Variants in RREB1 observed in about 807,000 individuals in gnomAD.
RREB1 encodes the protein ras-responsive element-binding protein 1.
Under a neutral mutation model 117.8 loss-of-function variants are expected in RREB1, and 27 were observed. The observed-to-expected ratio is 0.23, with a 90% CI of 0.17 to 0.32. RREB1 has a LOEUF of 0.32. Among genes scored for constraint, RREB1 ranks in the 10% least tolerant of loss-of-function variants. The pLI, the probability that RREB1 is intolerant of heterozygous loss-of-function variation, is 1.00. For synonymous variants in RREB1, 1,298 were observed against 1,026.7 expected (o/e 1.26, Z -5.05); for missense variants, 2,577 against 2,378.2 (o/e 1.08, Z -1.74).
At chr6:7,166,355 T>G (rs1763927727) in intron 1 of RREB1, among the ~76,000 whole-genome samples, 1 of 152,378 alleles carries the variant, frequency 6.6e-6, no homozygotes, top group East Asian at 1.9e-4. Context: ...GTTGGCTAGC[T>G]TGTGATAAAC....
At chr6:7,223,561 C>CAAAAAAAAAAAAAAAAAA (rs368033890) in intron 8 of RREB1, among the ~76,000 whole-genome samples, 6 of 95,800 alleles carry the variant, frequency 6.3e-5, no homozygotes, top group Non-Finnish European at 1.0e-4. Context: ...ACTCTTGTCT[C>CAAAAAAAAAAAAAAAAAA]AAAAAAAAAA....
At chr6:7,234,777 T>A (rs1339331864) in intron 10 of RREB1, among the ~76,000 whole-genome samples, 1 of 152,182 alleles carries the variant, frequency 6.6e-6, no homozygotes, top group East Asian at 1.9e-4. Flanking sequence ...AGGTTTACTT[T>A]TAAGGAGCTA....
At chr6:7,210,723 T>C (rs111515599) in intron 6 of RREB1, 81 bp from the exon 7 acceptor site, 6 of 1,297,882 alleles carry the variant, frequency 4.6e-6, no homozygotes, top group African/African-American at 1.5e-5. Flanking sequence ...TAAGTACCAG[T>C]GCCTAAATAT....
intron 8 of RREB1, chr6:7,211,997 T>C: frequency 2.5e-6 from 1 of 393,096 alleles, no homozygotes; most frequent in Non-Finnish European, 4.7e-6. Context: ...TCTGCTATCA[T>C]GGGTGTTCTT....
chr6:7,109,098 C>G (rs1233813886), intron 1 of RREB1, among the ~76,000 whole-genome samples: 1 of 151,778 alleles, frequency 6.6e-6, no homozygotes, highest in Non-Finnish European at 1.5e-5. Context: ...GGGCCGGCCG[C>G]CGGGGCCCGC....
At chr6:7,133,565 AAATG>A (rs1296541250) in intron 1 of RREB1, among the ~76,000 whole-genome samples, 1 of 152,164 alleles carries the variant, frequency 6.6e-6, no homozygotes, top group Non-Finnish European at 1.5e-5. Context: ...CTAAATAAGT[AAATG>A]AATGAATGAA....
intron 9 of RREB1, 80 bp from the exon 10 acceptor site, chr6:7,228,917 A>T: frequency 7.8e-7 from 1 of 1,290,184 alleles, no homozygotes; most frequent in East Asian, 2.5e-5. Context: ...TACAACAAAT[A>T]CTTTGTGCAT....
intron 6 of RREB1, among the ~76,000 whole-genome samples, chr6:7,199,458 T>C (rs555177539): frequency 3.9e-5 from 6 of 152,168 alleles, no homozygotes; most frequent in East Asian, 1.9e-4. Context: ...TTCTTAACAA[T>C]TGGGGCAACG....
rs774328741 is a variant in RREB1, at chr6:7,248,492, C to CT, written c.4772-16dup. On this transcript the variant is annotated intron_variant, in intron 12 of 12. Transcript: ENST00000379938. ...TGGTGCCTTTTGGTTAATGGAAATT[C>CT]TTTCTTCCATTGTTCCAGGGGAAAG... The CT allele has an allele frequency of 3.1e-6, 5 of 1,608,186 alleles. No homozygotes were observed. The highest frequency in any genetic ancestry group is 4.3e-6 in the Non-Finnish European group (5 of 1,174,996).
Position 7,108,251 on chromosome 6 carries a change from C to G in RREB1, c.-285+191C>G, listed in dbSNP as rs1161790675. 4.6e-5 allele frequency among the ~76,000 whole-genome samples: 7 copies of G among 152,082 alleles called. No individual in the cohort carries two copies. In the East Asian group the frequency reaches 7.8e-4, roughly 17 times the overall value. ...CGCCCCACTCCGCGCAGCGTGCGCT[C>G]GGGCCGGCGGGGCGGCCAGGGATGA... is the stretch of plus-strand genomic sequence containing the variant. On this transcript the variant is annotated intron_variant, in intron 1 of 12. Coordinates refer to ENST00000379938, the MANE Select transcript of RREB1 (RefSeq NM_001003699.4).
chr6:7,172,068 CCCAA>C (rs1764240528), intron 1 of RREB1, among the ~76,000 whole-genome samples: 1 of 151,988 alleles, frequency 6.6e-6, no homozygotes, highest in Non-Finnish European at 1.5e-5. Context: ...GCCTCAGCCT[CCCAA>C]GTAGCTGGGA....
rs758793624 is a variant in RREB1 at position 7,229,040 on chromosome 6, A to G, written c.941A>G (p.His314Arg). ...CTGCGGAGGTGCATCAGCGAGCAACACCGTTTTGTCTGCGACACCTGTGAC... is the reference window on the plus strand; with the variant it reads ...CTGCGGAGGTGCATCAGCGAGCAACGCCGTTTTGTCTGCGACACCTGTGAC... ...TNLRRCISEQ[H>R]RFVCDTCDKA... Residue 314 changes from histidine to arginine, a missense_variant, in exon 10 of 13, where the codon CAC (histidine) becomes CGC (arginine). By Grantham distance (29) the His-to-Arg change is conservative. Coordinates refer to ENST00000379938, the MANE Select transcript of RREB1 (RefSeq NM_001003699.4). The surrounding 1 kb of genome is among the most constrained non-coding windows in gnomAD (Gnocchi z 4.5). 6.4e-7 allele frequency: 1 copy of G among 1,551,082 alleles called. No individual in the cohort carries two copies. Among genetic ancestry groups the G allele is most frequent in the Non-Finnish European group, 8.7e-7 (1 of 1,143,950 alleles).
intron 1 of RREB1, among the ~76,000 whole-genome samples, chr6:7,176,091 G>GT (rs1419285142): frequency 2.0e-5 from 3 of 151,990 alleles, no homozygotes; most frequent in Non-Finnish European, 2.9e-5. Context: ...TGATTTTTGT[G>GT]TTTTTTATAG....
At chr6:7,179,032 T>C (rs1390438186) in intron 2 of RREB1, among the ~76,000 whole-genome samples, 2 of 152,248 alleles carry the variant, frequency 1.3e-5, no homozygotes, top group Admixed American at 6.5e-5. Flanking sequence ...GTATCTTTGA[T>C]AACATGACTG....
Position 7,133,165 on chromosome 6 carries a change from C to T in RREB1, c.-285+25105C>T, listed in dbSNP as rs576856270. Among the ~76,000 whole-genome samples the T allele has an allele frequency of 9.9e-5, 15 of 152,246 alleles. No homozygotes were observed. In the East Asian group the frequency reaches 2.7e-3, roughly 27 times the overall value. On this transcript the variant is annotated intron_variant, in intron 1 of 12. Transcript: ENST00000379938. ...GCATGGTTCGTTTCTTTTCCTTATA[C>T]CTCCTTAGCTTACAGGTGAGGAAAG...
chr6:7,112,925 G>A (rs1054145860), intron 1 of RREB1, among the ~76,000 whole-genome samples: 15 of 152,220 alleles, frequency 9.9e-5, no homozygotes, highest in African/African-American at 3.4e-4. Flanking sequence ...TTGGGGTGAA[G>A]CGGATGGGGA....
intron 11 of RREB1, among the ~76,000 whole-genome samples, chr6:7,245,292 G>A (rs963366944): frequency 2.6e-5 from 4 of 152,162 alleles, no homozygotes; most frequent in Non-Finnish European, 4.4e-5. Context: ...GCTCTTGGGA[G>A]GCTGAGGCAG....
intron 8 of RREB1, chr6:7,216,964 A>G (rs1410284505): frequency 6.6e-6 from 1 of 152,334 alleles, no homozygotes; most frequent in Non-Finnish European, 1.5e-5. Context: ...GACTCTGCCC[A>G]GTGCTTCACG....
rs1180455137 is a variant in RREB1, at chr6:7,190,578, A to G, written c.425+1256A>G. Among the ~76,000 whole-genome samples the G allele has an allele frequency of 2.0e-5, 3 of 152,338 alleles. No individual in the cohort carries two copies. In the East Asian group the frequency reaches 5.8e-4, roughly 29 times the overall value. ...AGTGTTTTGCTTTTTATTTTCTCAT[A>G]AATTTCAGTCCTGATGGGTTATTCT... On this transcript the variant is annotated intron_variant, in intron 6 of 12. Transcript: ENST00000379938.
Sources: gnomAD v4.1 joint callset for allele counts (sites outside exome capture counted in the v4.1 genomes callset) on GRCh38, gnomAD v4.1.1 for gene constraint, Gnocchi (gnomAD v3.1) non-coding constraint, MANE v1.5 for transcripts, NCBI Gene and HGNC (gene_info 2026-07-23, HGNC 2026-07-21) for gene names.